Variants in ELAPOR2 observed in about 807,000 individuals in gnomAD.
ELAPOR2 encodes the protein endosome/lysosome-associated apoptosis and autophagy regulator family member 2.
In ELAPOR2, 89 loss-of-function variants were observed where a neutral mutation model predicts 120.7. The observed-to-expected ratio is 0.74, with a 90% CI of 0.62 to 0.88. The LOEUF is 0.88. Ranked by LOEUF, ELAPOR2 falls within the 40% of genes least tolerant of loss-of-function variation. The pLI is 0.00. For synonymous variants in ELAPOR2, 444 were observed against 444.9 expected, an observed-to-expected ratio of 1.00 and a Z score of 0.03; for missense variants, 1,134 against 1,251.6, an observed-to-expected ratio of 0.91 and a Z score of 1.42.
intron 1 of ELAPOR2, among the ~76,000 whole-genome samples, chr7:87,007,962 A>G (rs913474969): frequency 5.3e-5 from 8 of 152,230 alleles, no homozygotes; most frequent in Non-Finnish European, 1.2e-4. Context: ...AAACCCATTA[A>G]AGGGTTGCCA....
intron 5 of ELAPOR2, among the ~76,000 whole-genome samples, chr7:86,940,867 A>C (rs897407795): frequency 1.3e-5 from 2 of 152,134 alleles, no homozygotes; most frequent in African/African-American, 4.8e-5. Flanking sequence ...TACATTAAGT[A>C]AAAGTAGTGC....
intron 1 of ELAPOR2, among the ~76,000 whole-genome samples, chr7:87,031,188 C>T (rs866159653): frequency 3.3e-5 from 5 of 152,270 alleles, no homozygotes; most frequent in Middle Eastern, 3.4e-3. Flanking sequence ...ATCAGGAATG[C>T]TGTCTGGTTC....
intron 1 of ELAPOR2, among the ~76,000 whole-genome samples, chr7:87,039,435 A>G (rs1222385252): frequency 6.6e-6 from 1 of 152,136 alleles, no homozygotes; most frequent in African/African-American, 2.4e-5. Context: ...TGATACCAAA[A>G]CCAGACAAAG....
intron 21 of ELAPOR2, among the ~76,000 whole-genome samples, chr7:86,884,068 A>T (rs765673288): frequency 2.6e-5 from 4 of 152,204 alleles, no homozygotes; most frequent in Non-Finnish European, 5.9e-5. Context: ...TGGTGGGCAT[A>T]TGACTATACC....
intron 12 of ELAPOR2, among the ~76,000 whole-genome samples, chr7:86,916,993 A>G (rs1310461092): frequency 4.1e-5 from 4 of 98,436 alleles, no homozygotes; most frequent in Non-Finnish European, 5.5e-5. Context: ...TTGGGTAGAG[A>G]TGGGGTTTTG....
At chr7:86,993,246 AAAAAGAAAAAG>A (rs1793011090) in intron 1 of ELAPOR2, among the ~76,000 whole-genome samples, 1 of 143,990 alleles carries the variant, frequency 6.9e-6, no homozygotes, top group African/African-American at 2.6e-5. Context: ...AAAAAAAAAA[AAAAAGAAAAAG>A]AAAAGAAAAG....
intron 1 of ELAPOR2, among the ~76,000 whole-genome samples, chr7:86,975,953 TTTCTGG>T (rs1271628902): frequency 6.6e-6 from 1 of 152,166 alleles, no homozygotes; most frequent in Non-Finnish European, 1.5e-5. Context: ...GAAGCCCATT[TTTCTGG>T]CCAGAAGAAT....
chr7:86,894,631 C>T (rs1353016592), intron 19 of ELAPOR2, among the ~76,000 whole-genome samples: 2 of 151,900 alleles, frequency 1.3e-5, no homozygotes, highest in South Asian at 2.1e-4. Context: ...AAAAATCAAG[C>T]TATTGGCAAC....
intron 1 of ELAPOR2, among the ~76,000 whole-genome samples, chr7:87,031,164 A>G (rs1460382639): frequency 1.3e-5 from 2 of 152,172 alleles, no homozygotes; most frequent in South Asian, 2.1e-4. Context: ...CAGAAAAACC[A>G]TATCACCACC....
At position 87,026,661 on chromosome 7, in the gene ELAPOR2, A is replaced by G. The variant is rs1205185755; in HGVS notation, c.189+32664T>C. 2.6e-5 allele frequency among the ~76,000 whole-genome samples: 4 copies of G among 152,218 alleles called. No homozygotes were observed. The South Asian group carries it at 8.3e-4, about 32-fold the overall frequency. On this transcript the variant is annotated intron_variant, in intron 1 of 21. Transcript: ENST00000450689. ...ATAAAGGAGTGATAGGCCCATAAAA[A>G]TACATTTTCTATTCCACAGTTAAAT...
At chr7:87,004,569 T>C (rs1331934729) in intron 1 of ELAPOR2, among the ~76,000 whole-genome samples, 1 of 152,150 alleles carries the variant, frequency 6.6e-6, no homozygotes, top group African/African-American at 2.4e-5. Flanking sequence ...CATAGGAGTT[T>C]TCAGCCTGCC....
chr7:86,933,360 C>T (rs1562930057), intron 8 of ELAPOR2, among the ~76,000 whole-genome samples: 1 of 151,928 alleles, frequency 6.6e-6, no homozygotes, highest in South Asian at 2.1e-4. Context: ...CATAATATAG[C>T]TGAATTTCCA....
intron 1 of ELAPOR2, among the ~76,000 whole-genome samples, chr7:87,024,753 C>T (rs1794188271): frequency 6.6e-6 from 1 of 151,798 alleles, no homozygotes. Context: ...TACAAACTAC[C>T]ATCAGAGAAT....
At chr7:86,949,833 C>A (rs911356291) in intron 2 of ELAPOR2, among the ~76,000 whole-genome samples, 8 of 152,222 alleles carry the variant, frequency 5.3e-5, no homozygotes, top group African/African-American at 1.7e-4. Flanking sequence ...CACTGGCCTG[C>A]AGGCACTCCT....
rs531002907 is a variant in ELAPOR2, at chr7:86,975,904, G to C, written c.190-10880C>G. 2.6e-5 allele frequency among the ~76,000 whole-genome samples: 4 copies of C among 152,268 alleles called. No individual in the cohort carries two copies. The East Asian group carries it at 7.7e-4, about 29-fold the overall frequency. ...TGAGCTGAAGGTGGGCCAAATCAGG[G>C]AATTGCACAGTGGGTTCAGAATGCA... On this transcript the variant is annotated intron_variant, in intron 1 of 21. Coordinates refer to ENST00000450689, the MANE Select transcript of ELAPOR2 (RefSeq NM_001142749.3).
At chr7:86,974,983 G>C (rs543357675) in intron 1 of ELAPOR2, among the ~76,000 whole-genome samples, 110 of 152,268 alleles carry the variant, frequency 7.2e-4, no homozygotes, top group African/African-American at 2.3e-3. Flanking sequence ...TTCTGAAGAA[G>C]GGAAAATCTA....
intron 8 of ELAPOR2, among the ~76,000 whole-genome samples, chr7:86,931,538 T>C (rs1466561243): frequency 6.6e-6 from 1 of 151,906 alleles, no homozygotes; most frequent in East Asian, 1.9e-4. Context: ...TTTGTCAAAA[T>C]TTTCTCATAC....
At chr7:87,021,142 TTTAAA>T (rs1794026897) in intron 1 of ELAPOR2, among the ~76,000 whole-genome samples, 1 of 152,124 alleles carries the variant, frequency 6.6e-6, no homozygotes, top group Non-Finnish European at 1.5e-5. Context: ...AGAACTGGGA[TTTAAA>T]CCCAGCCAGA....
intron 1 of ELAPOR2, among the ~76,000 whole-genome samples, chr7:86,985,271 G>A (rs867002000): frequency 1.3e-5 from 2 of 152,168 alleles, no homozygotes; most frequent in African/African-American, 4.8e-5. Flanking sequence ...GTACAAAGAG[G>A]AGCTGGTGCC....
Sources: gnomAD v4.1 joint callset for allele counts (sites outside exome capture counted in the v4.1 genomes callset) on GRCh38, gnomAD v4.1.1 for gene constraint, MANE v1.5 for transcripts, NCBI Gene and HGNC (gene_info 2026-07-23, HGNC 2026-07-21) for gene names.